MET: variants seen among roughly 807,000 people sequenced by gnomAD.
MET encodes the protein hepatocyte growth factor receptor.
Under a neutral mutation model 133.1 loss-of-function variants are expected in MET, and 48 were observed. That is an observed-to-expected ratio of 0.36 (90% CI 0.29 to 0.46). The LOEUF is 0.46. MET is among the 20% of genes least tolerant of loss of function. The pLI, the probability that MET is intolerant of heterozygous loss-of-function variation, is 1.00. For synonymous variants in MET, 628 were observed against 616.5 expected (o/e 1.02, Z -0.28); for missense variants, 1,442 against 1,695.9 (o/e 0.85, Z 2.63).
At chr7:116,748,600 CAGA>C (rs1743806511) in intron 5 of MET, among the ~76,000 whole-genome samples, 1 of 152,116 alleles carries the variant, frequency 6.6e-6, no homozygotes, top group Non-Finnish European at 1.5e-5. Context: ...CAAAAGCTAA[CAGA>C]AGACAAGAAA....
At position 116,792,456 on chromosome 7, in the gene MET, G is replaced by GACACACAC. The variant is rs56212730; in HGVS notation, c.3799-3160_3799-3153dup. ...ACCCCCGACCCCCCCTCAACCGACA[G>GACACACAC]ACACACACACACACACACACACACA... On this transcript the variant is annotated intron_variant, in intron 19 of 20. Transcript: ENST00000397752. Among the ~76,000 whole-genome samples the GACACACAC allele has an allele frequency of 9.2e-3, 740 of 80,700 alleles. 9 individuals are homozygous for GACACACAC. The highest frequency in any genetic ancestry group is 0.019 in the African/African-American group (309 of 16,522). 52.9% of individuals were successfully genotyped at this position (80,700 alleles called of 152,430 possible). A position where few individuals can be genotyped will look rare whatever the true frequency, so the allele number is the denominator to read the frequency against.
intron 14 of MET, among the ~76,000 whole-genome samples, chr7:116,772,523 T>A (rs1794868626): frequency 6.6e-6 from 1 of 151,992 alleles, no homozygotes; most frequent in Non-Finnish European, 1.5e-5. Flanking sequence ...AAAGGAGGGG[T>A]CAATATCATC....
chr7:116,698,965 T>A, intron 1 of MET, 106 bp from the exon 2 acceptor site: 1 of 1,510,350 alleles, frequency 6.6e-7, no homozygotes, highest in Non-Finnish European at 9.0e-7. Flanking sequence ...TATGTAAAAG[T>A]CCAGTTGGGA....
At position 116,782,114 on chromosome 7, in the gene MET, C is replaced by T. The variant is rs758230781; in HGVS notation, c.3632+17C>T. 4.9e-5 allele frequency: 75 copies of T among 1,521,072 alleles called. No homozygotes were observed. Among genetic ancestry groups the T allele is most frequent in the Middle Eastern group, 1.7e-4 (1 of 5,926 alleles). 94.2% of individuals were successfully genotyped at this position (1,521,072 alleles called of 1,614,324 possible). A position where few individuals can be genotyped will look rare whatever the true frequency, so the allele number is the denominator to read the frequency against. On this transcript the variant is annotated intron_variant, in intron 18 of 20. Coordinates refer to ENST00000397752, the MANE Select transcript of MET (RefSeq NM_000245.4). ...AAACTGTATGTAAGTATCAGAATCT[C>T]TGTGCCACAATCCAAATTAAGTGAC...
chr7:116,751,515 AT>A (rs1359491678), intron 5 of MET, among the ~76,000 whole-genome samples: 1 of 152,182 alleles, frequency 6.6e-6, no homozygotes, highest in African/African-American at 2.4e-5. Context: ...CAGGCACAAA[AT>A]CCAGCTAATG....
rs2117029679 is a variant in MET at position 116,774,902 on chromosome 7, A to G, written c.3050A>G (p.Gln1017Arg). 1 of 1,614,156 alleles carries G rather than the reference A, an allele frequency of 6.2e-7. No homozygotes were observed. The highest frequency in any genetic ancestry group is 8.5e-7 in the Non-Finnish European group (1 of 1,179,990). The stretch of plus-strand genomic sequence containing the variant: ...ACAGATCAGTTTCCTAATTCATCTC[A>G]GAACGGTTCATGCCGACAAGTGCAG... Reference protein sequence around the residue: ...FPEDQFPNSSQNGSCRQVQYP... With the variant: ...FPEDQFPNSSRNGSCRQVQYP... The change falls in exon 15 of 21, where the codon CAG (glutamine) becomes CGG (arginine). Residue 1017 changes from glutamine to arginine, a missense_variant. Physicochemically the swap from Gln to Arg is conservative, Grantham distance 43. Around this residue, in one of 6 missense-constraint regions of MET, gnomAD observed 514 missense variants for 659.6 expected, o/e 0.78. Transcript: ENST00000397752.
intron 2 of MET, among the ~76,000 whole-genome samples, chr7:116,705,766 C>T (rs1359647855): frequency 2.6e-5 from 4 of 152,040 alleles, no homozygotes; most frequent in African/African-American, 9.7e-5. Flanking sequence ...ACTACTTCAT[C>T]CTCTCATAGG....
chr7:116,741,721 C>T (rs115566611), intron 5 of MET, among the ~76,000 whole-genome samples: 282 of 152,326 alleles, frequency 1.9e-3, no homozygotes, highest in African/African-American at 6.6e-3. Flanking sequence ...CAACGGATGA[C>T]TATACTAACA....
intron 2 of MET, among the ~76,000 whole-genome samples, chr7:116,731,300 A>T (rs767537903): frequency 6.6e-6 from 1 of 152,198 alleles, no homozygotes; most frequent in African/African-American, 2.4e-5. Flanking sequence ...AACATTTATT[A>T]TTATTCCAGT....
At chr7:116,759,925 G>T (rs1383207917) in intron 10 of MET, among the ~76,000 whole-genome samples, 1 of 152,198 alleles carries the variant, frequency 6.6e-6, no homozygotes, top group South Asian at 2.1e-4. Context: ...ACAGGCACGA[G>T]CCATCATGCC....
chr7:116,792,556 G>A (rs528225840), intron 19 of MET, among the ~76,000 whole-genome samples: 1 of 142,080 alleles, frequency 7.0e-6, no homozygotes, highest in South Asian at 2.3e-4. Context: ...CTCTTTCACT[G>A]TCCCTCCCCT....
chr7:116,746,030 A>T (rs939122938), intron 5 of MET, among the ~76,000 whole-genome samples: 3 of 152,234 alleles, frequency 2.0e-5, no homozygotes, highest in Non-Finnish European at 4.4e-5. Flanking sequence ...CAATCTACTC[A>T]TCTGACAAAG....
intron 18 of MET, among the ~76,000 whole-genome samples, chr7:116,782,454 C>T (rs1407586096): frequency 2.6e-5 from 4 of 152,170 alleles, no homozygotes; most frequent in African/African-American, 9.7e-5. Flanking sequence ...GCTGGGAACA[C>T]AAATACCAAC....
intron 2 of MET, among the ~76,000 whole-genome samples, chr7:116,707,295 A>T (rs1791835400): frequency 6.6e-6 from 1 of 152,130 alleles, no homozygotes; most frequent in East Asian, 1.9e-4. Flanking sequence ...ACAAACAAAA[A>T]AAAACCATTG....
intron 2 of MET, among the ~76,000 whole-genome samples, chr7:116,706,020 A>C (rs150606075): frequency 6.6e-6 from 1 of 151,984 alleles, no homozygotes; most frequent in South Asian, 2.1e-4. Flanking sequence ...AAACCATTAC[A>C]TGGCTCATTC....
chr7:116,755,504 C>A lies in MET; in HGVS notation c.1851C>A (p.Ser617Arg), dbSNP rs1427239676. 1.2e-6 allele frequency: 2 copies of A among 1,614,052 alleles called. No homozygotes were observed. Among genetic ancestry groups the A allele is most frequent in the Non-Finnish European group, 1.7e-6 (2 of 1,179,986 alleles). Residue 617 changes from serine (S) to arginine (R), a missense_variant, in exon 6 of 21, where the codon AGC (serine) becomes AGA (arginine). Around this residue, in one of 6 missense-constraint regions of MET, gnomAD observed 762 missense variants for 792.4 expected, o/e 0.96. Transcript: ENST00000397752. ...NESCTLTLSESTMNTLKCTVG... is the reference protein window; with the variant it reads ...NESCTLTLSERTMNTLKCTVG... ...GCTGCACCTTGACTTTAAGTGAGAG[C>A]ACGATGAATACGTAAGGATCTTAAA...
chr7:116,781,310 T>A (rs924463940), intron 17 of MET, among the ~76,000 whole-genome samples: 1 of 152,156 alleles, frequency 6.6e-6, no homozygotes, highest in Admixed American at 6.5e-5. Context: ...TGCCTCCTCC[T>A]CTTGCAAACT....
At chr7:116,728,316 A>T (rs1792872692) in intron 2 of MET, among the ~76,000 whole-genome samples, 1 of 152,214 alleles carries the variant, frequency 6.6e-6, no homozygotes, top group Admixed American at 6.5e-5. Flanking sequence ...GGGGGGCAAT[A>T]GAGACATAAT....
chr7:116,702,743 T>C (rs570436523), intron 2 of MET, among the ~76,000 whole-genome samples: 1 of 152,298 alleles, frequency 6.6e-6, no homozygotes, highest in South Asian at 2.1e-4. Context: ...TTAAGAAAGC[T>C]GAGCTGCAGC....
Sources: allele counts gnomAD v4.1 joint callset (sites outside exome capture counted in the v4.1 genomes callset), GRCh38; gene constraint gnomAD v4.1.1; regional missense constraint gnomAD v4.1.1; transcripts MANE v1.5; gene names NCBI Gene and HGNC (gene_info 2026-07-23, HGNC 2026-07-21).